The following CFAP92 variants were observed in gnomAD, a reference collection of about 807,000 sequenced individuals.
CFAP92 encodes the protein uncharacterized protein CFAP92.
A neutral mutation model predicts 106.3 loss-of-function variants in CFAP92; 86 were observed. The ratio of observed to expected loss-of-function variants is 0.81; its 90% CI spans 0.68 to 0.97. CFAP92 has a LOEUF of 0.97. Ranked by LOEUF, CFAP92 falls within the 50% of genes least tolerant of loss-of-function variation. The pLI, the probability that CFAP92 is intolerant of heterozygous loss-of-function variation, is 0.00. For synonymous variants in CFAP92, 477 were observed against 506.4 expected, an observed-to-expected ratio of 0.94 and a Z score of 0.78; for missense variants, 1,204 against 1,283.8, an observed-to-expected ratio of 0.94 and a Z score of 0.95.
Position 128,933,354 on chromosome 3 carries a change from A to ACATC in CFAP92, c.2454-361_2454-358dup, listed in dbSNP as rs560987410. 4.9e-3 allele frequency among the ~76,000 whole-genome samples: 741 copies of ACATC among 152,296 alleles called. 8 individuals carry two copies. The highest frequency in any genetic ancestry group is 0.017 in the African/African-American group (705 of 41,560). The stretch of plus-strand genomic sequence containing the variant: ...GCACAGAGCCTTCCGCACCAGGAGG[A>ACATC]CATCATACACCGAGCCTCAGGGGGC... On this transcript the variant is annotated intron_variant, in intron 11 of 15. Coordinates refer to ENST00000645291, the MANE Select transcript of CFAP92 (RefSeq NM_001394090.1).
intron 7 of CFAP92, among the ~76,000 whole-genome samples, chr3:128,975,442 T>C (rs1943086261): frequency 1.3e-5 from 1 of 76,582 alleles, no homozygotes; most frequent in East Asian, 2.2e-4. Flanking sequence ...GATGGATGGA[T>C]GGATGGATGG....
chr3:128,959,515 A>C (rs1460908758), intron 9 of CFAP92, among the ~76,000 whole-genome samples: 1 of 152,180 alleles, frequency 6.6e-6, no homozygotes, highest in African/African-American at 2.4e-5. Flanking sequence ...CTCCAGCAAA[A>C]CCAGACAGCA....
At chr3:129,010,883 C>T in the CFAP92 span, among the ~76,000 whole-genome samples, 3 of 152,208 alleles carry the variant, frequency 2.0e-5, no homozygotes, top group Non-Finnish European at 4.4e-5. This position sits in a 1 kb window ranked among gnomAD's most constrained non-coding sequence, Gnocchi z 4.3. Flanking sequence ...TCAGGATGCA[C>T]AGGGGGCTTG....
chr3:128,914,813 G>A (rs1361073578), intron 15 of CFAP92: 2 of 330,896 alleles, frequency 6.0e-6, no homozygotes, highest in Non-Finnish European at 5.7e-6. Flanking sequence ...TAGTGTTGAA[G>A]CTCAGGAAGC....
intron 10 of CFAP92, among the ~76,000 whole-genome samples, chr3:128,935,718 A>AAAAAC (rs1205320330): frequency 6.6e-6 from 1 of 152,066 alleles, no homozygotes; most frequent in African/African-American, 2.4e-5. Context: ...GTCTCAAAAC[A>AAAAAC]AAAACAAAAC....
At chr3:128,913,908 G>T (rs1936600846) in intron 15 of CFAP92, among the ~76,000 whole-genome samples, 1 of 152,070 alleles carries the variant, frequency 6.6e-6, no homozygotes, top group African/African-American at 2.4e-5. Flanking sequence ...GGGGCTGTCA[G>T]ACCCACCCCC....
intron 7 of CFAP92, among the ~76,000 whole-genome samples, chr3:128,974,509 T>C (rs1367924964): frequency 6.6e-6 from 1 of 152,196 alleles, no homozygotes; most frequent in Non-Finnish European, 1.5e-5. Flanking sequence ...GGATGCTGTG[T>C]TCTTCATTCC....
upstream of CFAP92, among the ~76,000 whole-genome samples, chr3:129,006,691 A>C (rs1255985050): frequency 6.6e-6 from 1 of 152,210 alleles, no homozygotes; most frequent in Non-Finnish European, 1.5e-5. Flanking sequence ...CCTAGTGATG[A>C]GGAAATTGAG....
chr3:128,938,004 C>CA (rs1457097587), intron 10 of CFAP92, among the ~76,000 whole-genome samples: 2 of 151,230 alleles, frequency 1.3e-5, no homozygotes, highest in African/African-American at 4.9e-5. Context: ...GCAGAGGTTG[C>CA]AGTGAGCCGA....
At chr3:128,959,086 T>A (rs938430965) in intron 9 of CFAP92, among the ~76,000 whole-genome samples, 1 of 152,110 alleles carries the variant, frequency 6.6e-6, no homozygotes, top group Non-Finnish European at 1.5e-5. Context: ...GGCAAATGCC[T>A]GTAATCCCAG....
chr3:129,004,040 T>C (rs746914654), upstream of CFAP92: 20 of 1,511,440 alleles, frequency 1.3e-5, no homozygotes, highest in Non-Finnish European at 7.0e-6. Flanking sequence ...CTTGCAGCGC[T>C]GGGTGCGGCG....
At chr3:129,000,994 G>T (rs1390580237) in intron 1 of CFAP92, among the ~76,000 whole-genome samples, 1 of 152,240 alleles carries the variant, frequency 6.6e-6, no homozygotes, top group Non-Finnish European at 1.5e-5. Flanking sequence ...ACAAGAAGTG[G>T]GTTCGGAAAC....
At chr3:129,001,732 C>G in intron 1 of CFAP92, 20 of 1,527,288 alleles carry the variant, frequency 1.3e-5, no homozygotes, top group Non-Finnish European at 1.8e-5. Flanking sequence ...AGCGCCCTGG[C>G]GCACCACTAC....
chr3:128,909,902 G>A lies in CFAP92; in HGVS notation c.*397C>T. The A allele has an allele frequency of 3.6e-6, 5 of 1,397,548 alleles. No homozygotes were observed. The highest frequency in any genetic ancestry group is 4.0e-6 in the Non-Finnish European group (4 of 1,003,596). The allele number at this position is 1,397,548 out of a possible 1,614,324, so 86.6% of individuals were successfully genotyped here. ...ACAACCTGAAGAGAAAGGTGTTATT[G>A]ACTCCACTTTCTCAAGGAACACAGG... On this transcript the variant is annotated 3_prime_UTR_variant, in exon 16 of 16. Transcript: ENST00000645291.
chr3:128,972,001 A>G (rs1033035481), intron 7 of CFAP92, among the ~76,000 whole-genome samples: 5 of 152,236 alleles, frequency 3.3e-5, no homozygotes, highest in African/African-American at 7.2e-5. Flanking sequence ...GACAAGACCA[A>G]TGGGACAGAC....
chr3:128,999,997 TTG>T (rs1944648644), intron 1 of CFAP92, among the ~76,000 whole-genome samples: 1 of 152,252 alleles, frequency 6.6e-6, no homozygotes, highest in Non-Finnish European at 1.5e-5. Flanking sequence ...TAGTATTGTT[TTG>T]TGTGTTTTTG....
chr3:128,956,525 A>G (rs554874475), intron 9 of CFAP92, among the ~76,000 whole-genome samples: 78 of 152,318 alleles, frequency 5.1e-4, no homozygotes, highest in Non-Finnish European at 1.0e-3. Context: ...GTCATAGTCA[A>G]ACTTCTGTAA....
At chr3:128,942,331 G>A (rs1338287928) in intron 10 of CFAP92, among the ~76,000 whole-genome samples, 2 of 152,220 alleles carry the variant, frequency 1.3e-5, no homozygotes, top group African/African-American at 4.8e-5. Context: ...CCTAGCACTG[G>A]TGAGTGGCGG....
At chr3:128,998,632 G>A (rs1399867012), upstream of CFAP92, among the ~76,000 whole-genome samples, 1 of 152,172 alleles carries the variant, frequency 6.6e-6, no homozygotes, top group Admixed American at 6.5e-5. Context: ...TTCACAGTAT[G>A]GTTTTTGCGG....
Sources: allele counts gnomAD v4.1 joint callset (sites outside exome capture counted in the v4.1 genomes callset), GRCh38; gene constraint gnomAD v4.1.1; non-coding constraint Gnocchi (gnomAD v3.1); transcripts MANE v1.5; gene names NCBI Gene and HGNC (gene_info 2026-07-23, HGNC 2026-07-21).